The following SUPT5H variants were observed in gnomAD, a reference collection of about 807,000 sequenced individuals.
SUPT5H encodes SPT5 homolog, DSIF elongation factor subunit.
A neutral mutation model predicts 142.5 loss-of-function variants in SUPT5H; 24 were observed. The ratio of observed to expected loss-of-function variants is 0.17; its 90% CI spans 0.12 to 0.24. The LOEUF is 0.24. Ranked by LOEUF, SUPT5H falls within the 10% of genes least tolerant of loss-of-function variation. The pLI is 1.00. For synonymous variants in SUPT5H, 546 were observed against 553.0 expected (o/e 0.99, Z 0.18); for missense variants, 893 against 1,471.8 (o/e 0.61, Z 6.43).
At chr19:39,449,775 G>A (rs2078997830) in intron 2 of SUPT5H, among the ~76,000 whole-genome samples, 1 of 151,794 alleles carries the variant, frequency 6.6e-6, no homozygotes, top group Non-Finnish European at 1.5e-5. Flanking sequence ...GAGTAGCTGG[G>A]ATTACAGCGG....
chr19:39,452,196 T>A (rs1198210966), intron 2 of SUPT5H, among the ~76,000 whole-genome samples: 2 of 151,850 alleles, frequency 1.3e-5, no homozygotes. Flanking sequence ...TGGGACACAG[T>A]GAGTATGAAA....
rs755849550 is a variant in SUPT5H, at chr19:39,453,371, C to T, written c.91C>T (p.Arg31Trp). 1.5e-5 allele frequency: 24 copies of T among 1,602,104 alleles called. No homozygotes were observed. The highest frequency in any genetic ancestry group is 3.4e-5 in the South Asian group (3 of 89,452). The change falls in exon 3 of 30, where the codon CGG becomes TGG. Residue 31 changes from arginine to tryptophan, a missense_variant. Arg to Trp is a moderately radical substitution (Grantham distance 101, BLOSUM62 -3). Coordinates refer to ENST00000432763, the MANE Select transcript of SUPT5H (RefSeq NM_001111020.3). ...GEEAEVDEERRSAAGSEKEEE... is the reference protein window; with the variant it reads ...GEEAEVDEERWSAAGSEKEEE... ...ACCCCTGTAGGTAGACGAAGAGCGGCGGAGTGCAGCGGGCAGTGAGAAAGA... is the reference window on the plus strand; with the variant it reads ...ACCCCTGTAGGTAGACGAAGAGCGGTGGAGTGCAGCGGGCAGTGAGAAAGA...
At position 39,459,024 on chromosome 19, in the gene SUPT5H, C is replaced by G. The variant is rs765905106; in HGVS notation, c.409C>G (p.Leu137Val). ...CTCCAGGGACCAGCGAGAAGAAGAA[C>G]TGGGCGAGTATTACATGAAGAAATA... is the stretch of plus-strand genomic sequence containing the variant. The part of the protein sequence containing the change: ...NLWRDQREEE[L>V]GEYYMKKYAK... Residue 137 changes from leucine (L) to valine (V), a missense_variant, in exon 7 of 30, where the codon CTG (leucine) becomes GTG (valine). Physicochemically the swap from Leu to Val is conservative, Grantham distance 32. Coordinates refer to ENST00000432763, the MANE Select transcript of SUPT5H (RefSeq NM_001111020.3). 6.2e-7 allele frequency: 1 copy of G among 1,614,038 alleles called. No homozygotes were observed.
chr19:39,457,828 C>A, intron 4 of SUPT5H, 88 bp downstream of exon 4: 1 of 1,579,744 alleles, frequency 6.3e-7, no homozygotes, highest in South Asian at 1.1e-5. Flanking sequence ...CCCCGCATCC[C>A]CTGTACACCC....
Position 39,457,749 on chromosome 19 carries a change from G to A in SUPT5H, c.307+9G>A, listed in dbSNP as rs1436560228. The A allele has an allele frequency of 6.2e-7, 1 of 1,614,088 alleles. No homozygotes were observed. Among genetic ancestry groups the A allele is most frequent in the East Asian group, 2.2e-5 (1 of 44,882 alleles). On this transcript the variant is annotated intron_variant, in intron 4 of 29. Transcript: ENST00000432763. Reference sequence around the variant, plus strand: ...GGACATTCTAGAGAAAGGTGTGTGTGAGCCCTGCCTCCACAAGACTACTGG... The same window carrying A: ...GGACATTCTAGAGAAAGGTGTGTGTAAGCCCTGCCTCCACAAGACTACTGG...
chr19:39,473,591 C>A lies in SUPT5H; in HGVS notation c.2492+70C>A. The A allele has an allele frequency of 1.3e-6, 2 of 1,519,726 alleles. No individual in the cohort carries two copies. Among genetic ancestry groups the A allele is most frequent in the South Asian group, 1.2e-5 (1 of 84,284 alleles). 94.1% of individuals were successfully genotyped at this position (1,519,726 alleles called of 1,614,324 possible). A position where few individuals can be genotyped will look rare whatever the true frequency, so the allele number is the denominator to read the frequency against. On this transcript the variant is annotated intron_variant, in intron 25 of 29. Transcript: ENST00000432763. This position sits in a 1 kb window ranked among gnomAD's most constrained non-coding sequence, Gnocchi z 5.8. ...GAGGGATGATGCTGGGTGTCTGGGG[C>A]ATTGGAGGGGTTTGTGGGGCCCACC...
chr19:39,466,818 TCC>T lies in SUPT5H; in HGVS notation c.1037+76_1037+77del. On this transcript the variant is annotated intron_variant, in intron 13 of 29. Transcript: ENST00000432763. The surrounding 1 kb of genome is among the most constrained non-coding windows in gnomAD (Gnocchi z 4.3). ...GTAGAATGTGCCTTTTGCAGGTTCC[TCC>T]CCAGGGGTGGCCCCGCCACAGGTTT... The T allele has an allele frequency of 6.8e-7, 1 of 1,480,134 alleles. No homozygotes were observed. Among genetic ancestry groups the T allele is most frequent in the Non-Finnish European group, 9.4e-7 (1 of 1,059,454 alleles). The allele number at this position is 1,480,134 out of a possible 1,614,324, so 91.7% of individuals were successfully genotyped here.
chr19:39,455,926 T>A (rs1366841098), intron 3 of SUPT5H, among the ~76,000 whole-genome samples: 17 of 22,318 alleles, frequency 7.6e-4, no homozygotes, highest in African/African-American at 6.1e-3. Context: ...CCGCCTCTTC[T>A]TTTTTTTTTT....
rs2079369265 is a variant in SUPT5H at position 39,474,223 on chromosome 19, T to C, written c.2652-11T>C. 1 of 1,614,004 alleles carries C rather than the reference T, an allele frequency of 6.2e-7. No individual in the cohort carries two copies. Among genetic ancestry groups the C allele is most frequent in the Non-Finnish European group, 8.5e-7 (1 of 1,179,958 alleles). On this transcript the variant is annotated splice_polypyrimidine_tract_variant and intron_variant, in intron 26 of 29. Transcript: ENST00000432763. The surrounding 1 kb of genome is among the most constrained non-coding windows in gnomAD (Gnocchi z 6.5). The stretch of plus-strand genomic sequence containing the variant: ...CTCCAACAAATGCCCCCTTCTCTCC[T>C]GTCTCTGCAGGTACAACACAGACCA...
intron 28 of SUPT5H, chr19:39,475,789 A>T: frequency 2.5e-6 from 1 of 401,974 alleles, no homozygotes; most frequent in Non-Finnish European, 4.5e-6. Flanking sequence ...CAGGAAGAGG[A>T]GCAGGTGTGG....
chr19:39,456,217 C>T (rs981550080), intron 3 of SUPT5H, among the ~76,000 whole-genome samples: 1 of 146,732 alleles, frequency 6.8e-6, no homozygotes, highest in Non-Finnish European at 1.5e-5. Flanking sequence ...GTGCCCAGAC[C>T]TTTTTTTTTT....
At chr19:39,465,776 G>T (rs779038884) in intron 11 of SUPT5H, among the ~76,000 whole-genome samples, 22 of 152,236 alleles carry the variant, frequency 1.4e-4, no homozygotes, top group Non-Finnish European at 1.5e-4. Context: ...CCAGGGAGGA[G>T]GCTGCTGCTG....
chr19:39,476,102 C>G lies in SUPT5H; in HGVS notation c.3046C>G (p.Leu1016Val). 1 of 1,614,126 alleles carries G rather than the reference C, an allele frequency of 6.2e-7. No homozygotes were observed. Among genetic ancestry groups the G allele is most frequent in the Non-Finnish European group, 8.5e-7 (1 of 1,180,024 alleles). ...CCAGGGGGGCATGTGCTCTGTGTAC[C>G]TGAAGGACAGTGAGAAGGTTGTCAG... Reference protein sequence around the residue: ...SVTGGMCSVYLKDSEKVVSIS... With the variant: ...SVTGGMCSVYVKDSEKVVSIS... Residue 1016 changes from leucine (L) to valine (V), a missense_variant, in exon 29 of 30, where the codon CTG becomes GTG. Leu to Val is a conservative substitution (Grantham distance 32). Coordinates refer to ENST00000432763, the MANE Select transcript of SUPT5H (RefSeq NM_001111020.3).
rs111241574 is a variant in SUPT5H at position 39,457,672 on chromosome 19, T to C, written c.242-3T>C. On this transcript the variant is annotated splice_polypyrimidine_tract_variant and splice_region_variant and intron_variant, in intron 3 of 29. Transcript: ENST00000432763. ...CACTTACCACTTGGCCTTTCCGTTT[T>C]AGATGTTGACGATGAGTATGAGGAC... The C allele has an allele frequency of 6.2e-7, 1 of 1,613,502 alleles. No individual in the cohort carries two copies. Among genetic ancestry groups the C allele is most frequent in the Non-Finnish European group, 8.5e-7 (1 of 1,179,522 alleles).
chr19:39,459,786 C>T, intron 9 of SUPT5H, 106 bp from the exon 10 acceptor site: 6 of 1,365,204 alleles, frequency 4.4e-6, no homozygotes, highest in Non-Finnish European at 5.2e-6. Flanking sequence ...CTTTCTCTCT[C>T]CTCTCTTGGT....
rs377549635 is a variant in SUPT5H at position 39,473,357 on chromosome 19, A to G, written c.2386+27A>G. 14 of 1,613,360 alleles carry G rather than the reference A, an allele frequency of 8.7e-6. No individual in the cohort carries two copies. In the African/African-American group the frequency reaches 1.9e-4, roughly 22 times the overall value. On this transcript the variant is annotated intron_variant, in intron 24 of 29. Transcript: ENST00000432763. The surrounding 1 kb of genome is among the most constrained non-coding windows in gnomAD (Gnocchi z 5.8). ...TGAGTGCCCGCAGGGGACAGGGAAG[A>G]GGGGCTAGGGGGACCTAGAGAAGGG...
At chr19:39,465,171 G>A in intron 11 of SUPT5H, 122 bp downstream of exon 11, 1 of 1,403,780 alleles carries the variant, frequency 7.1e-7, no homozygotes, top group Non-Finnish European at 9.6e-7. Flanking sequence ...ATGAGTTGAA[G>A]CAGAGCCTGG....
At chr19:39,455,723 A>G (rs1026515835) in intron 3 of SUPT5H, among the ~76,000 whole-genome samples, 1 of 150,704 alleles carries the variant, frequency 6.6e-6, no homozygotes, top group African/African-American at 2.4e-5. Flanking sequence ...TCTGGTTTCA[A>G]GTGCTTCTCC....
At chr19:39,447,450 C>T (rs918733664) in intron 2 of SUPT5H, among the ~76,000 whole-genome samples, 5 of 132,026 alleles carry the variant, frequency 3.8e-5, no homozygotes, top group Admixed American at 7.8e-5. Context: ...TTGCCATTAT[C>T]TTTTTTTTTT....
Sources: allele counts gnomAD v4.1 joint callset (sites outside exome capture counted in the v4.1 genomes callset), GRCh38; gene constraint gnomAD v4.1.1; non-coding constraint Gnocchi (gnomAD v3.1); transcripts MANE v1.5; gene names NCBI Gene and HGNC (gene_info 2026-07-23, HGNC 2026-07-21).